MAPRE2: variants seen among roughly 807,000 people sequenced by gnomAD.
The protein encoded by MAPRE2 is microtubule associated protein RP/EB family member 2.
A neutral mutation model predicts 43.2 loss-of-function variants in MAPRE2; 13 were observed. The observed-to-expected ratio is 0.30, with a 90% CI of 0.20 to 0.48. The LOEUF (loss-of-function observed/expected upper bound fraction) is 0.48, where lower values mean the gene tolerates loss of function less well. MAPRE2 is among the 20% of genes least tolerant of loss of function. The probability of loss-of-function intolerance (pLI) is 0.99; values close to 1 mark genes in which losing one functional copy is unlikely to be tolerated. For synonymous variants in MAPRE2, 135 were observed against 148.8 expected (o/e 0.91, Z 0.68); for missense variants, 161 against 400.2 (o/e 0.40, Z 5.10).
At chr18:35,026,605 A>T (rs2097045361) in intron 2 of MAPRE2, among the ~76,000 whole-genome samples, 1 of 152,028 alleles carries the variant, frequency 6.6e-6, no homozygotes, top group Non-Finnish European at 1.5e-5. Context: ...TCACTACCAC[A>T]TGGGGTCAGG....
chr18:35,082,733 T>C (rs545662419), intron 2 of MAPRE2, among the ~76,000 whole-genome samples: 7 of 152,158 alleles, frequency 4.6e-5, no homozygotes, highest in African/African-American at 9.7e-5. Flanking sequence ...GGGACTGAAA[T>C]GATCATGCAA....
intron 1 of MAPRE2, among the ~76,000 whole-genome samples, chr18:34,999,924 C>G (rs1463066049): frequency 6.6e-6 from 1 of 151,910 alleles, no homozygotes; most frequent in Non-Finnish European, 1.5e-5. Context: ...GCCCTGAGCC[C>G]AACCCAAGAC....
intron 2 of MAPRE2, among the ~76,000 whole-genome samples, chr18:35,075,148 A>G (rs777627535): frequency 1.4e-4 from 22 of 152,294 alleles, no homozygotes; most frequent in South Asian, 4.1e-4. Context: ...AATTCTGGTT[A>G]CGTGATGGCT....
intron 5 of MAPRE2, among the ~76,000 whole-genome samples, chr18:35,129,958 T>A (rs1366808721): frequency 6.6e-6 from 1 of 152,234 alleles, no homozygotes; most frequent in East Asian, 1.9e-4. Context: ...TAGCTAGTGT[T>A]GGTTTTTACT....
At chr18:35,133,795 T>G (rs1209193759) in intron 6 of MAPRE2, among the ~76,000 whole-genome samples, 1 of 152,112 alleles carries the variant, frequency 6.6e-6, no homozygotes, top group African/African-American at 2.4e-5. Flanking sequence ...CTAAGATAGG[T>G]GGACAGCCTC....
chr18:34,989,338 T>A (rs2097022578), intron 1 of MAPRE2, among the ~76,000 whole-genome samples: 1 of 152,190 alleles, frequency 6.6e-6, no homozygotes, highest in South Asian at 2.1e-4. Flanking sequence ...TGCCTGTGCC[T>A]TCTCTCGGTC....
Position 35,041,528 on chromosome 18 carries a change from G to A in MAPRE2, c.-12G>A, listed in dbSNP as rs746929776. 3.1e-6 allele frequency: 5 copies of A among 1,614,066 alleles called. No individual in the cohort carries two copies. The highest frequency in any genetic ancestry group is 2.7e-5 in the African/African-American group (2 of 74,940). On this transcript the variant is annotated 5_prime_UTR_variant, in exon 1 of 7. Coordinates refer to ENST00000300249, the MANE Select transcript of MAPRE2 (RefSeq NM_014268.4). ...CCCACAGCGGTTTGTTCCCCTTCTC[G>A]GGAGTGCGCCAATGCCTGGGCCGAC...
intron 2 of MAPRE2, among the ~76,000 whole-genome samples, chr18:35,016,467 T>C (rs2097038327): frequency 6.6e-6 from 1 of 152,104 alleles, no homozygotes; most frequent in Non-Finnish European, 1.5e-5. Flanking sequence ...CTTGTCAGCA[T>C]CTGTCGTTGG....
intron 4 of MAPRE2, among the ~76,000 whole-genome samples, chr18:35,122,220 G>T (rs1250487552): frequency 6.6e-6 from 1 of 152,148 alleles, no homozygotes; most frequent in African/African-American, 2.4e-5. Context: ...GCTGTGAGGG[G>T]TAAATTACTT....
At chr18:35,051,165 AC>A (rs1270458040) in intron 1 of MAPRE2, among the ~76,000 whole-genome samples, 3 of 151,912 alleles carry the variant, frequency 2.0e-5, no homozygotes, top group African/African-American at 7.3e-5. Flanking sequence ...CTGCCTCCCT[AC>A]CCCCACCCCA....
chr18:35,051,177 T>C (rs1905917651), intron 1 of MAPRE2, among the ~76,000 whole-genome samples: 1 of 152,044 alleles, frequency 6.6e-6, no homozygotes, highest in Admixed American at 6.6e-5. Flanking sequence ...CCCCACCCCA[T>C]CTCTCTCCCT....
intron 1 of MAPRE2, among the ~76,000 whole-genome samples, chr18:35,002,841 T>C (rs2150579430): frequency 6.6e-6 from 1 of 152,286 alleles, no homozygotes; most frequent in South Asian, 2.1e-4. Context: ...AATACTTTCT[T>C]CTAGTTTATA....
intron 2 of MAPRE2, among the ~76,000 whole-genome samples, chr18:35,029,409 C>T (rs2097046735): frequency 6.6e-6 from 1 of 152,178 alleles, no homozygotes; most frequent in African/African-American, 2.4e-5. Context: ...CAGGAAGACG[C>T]TTCCTTCCAA....
intron 1 of MAPRE2, among the ~76,000 whole-genome samples, chr18:35,001,075 G>C (rs2097029072): frequency 6.6e-6 from 1 of 152,138 alleles, no homozygotes; most frequent in African/African-American, 2.4e-5. Context: ...TTGTACTCTA[G>C]CTTGGGCATC....
chr18:34,990,323 G>T (rs2097023129), intron 1 of MAPRE2, among the ~76,000 whole-genome samples: 1 of 152,128 alleles, frequency 6.6e-6, no homozygotes, highest in Admixed American at 6.6e-5. Flanking sequence ...CTCTGGGAGG[G>T]ATGGCATTTG....
At chr18:35,127,127 C>T (rs747144532) in intron 5 of MAPRE2, 40 bp downstream of exon 5, 32 of 1,611,728 alleles carry the variant, frequency 2.0e-5, no homozygotes, top group Middle Eastern at 3.3e-4. Flanking sequence ...GGAGCAGTGA[C>T]GTGTGTAAGA....
intron 2 of MAPRE2, among the ~76,000 whole-genome samples, chr18:35,077,080 A>G (rs1603398372): frequency 6.6e-6 from 1 of 152,346 alleles, no homozygotes; most frequent in East Asian, 1.9e-4. Flanking sequence ...CTAACAATAT[A>G]TATACTGAAC....
At position 35,053,239 on chromosome 18, in the gene MAPRE2, CA is replaced by C. The variant is rs545136920; in HGVS notation, c.122+11584del. 2.0e-5 allele frequency among the ~76,000 whole-genome samples: 3 copies of C among 151,878 alleles called. No homozygotes were observed. In the South Asian group the frequency reaches 6.2e-4, roughly 32 times the overall value. On this transcript the variant is annotated intron_variant, in intron 1 of 6. Coordinates refer to ENST00000300249, the MANE Select transcript of MAPRE2 (RefSeq NM_014268.4). The stretch of plus-strand genomic sequence containing the variant: ...TGAAACCCCATCTCTACTAAAAATA[CA>C]AAAAATAGCTGGGAGTGGTGGCACT...
At chr18:35,083,461 G>A (rs1568997148) in intron 2 of MAPRE2, among the ~76,000 whole-genome samples, 1 of 152,184 alleles carries the variant, frequency 6.6e-6, no homozygotes, top group Non-Finnish European at 1.5e-5. Flanking sequence ...TATCTGGAAT[G>A]TCAAATTCTA....
Sources: allele counts gnomAD v4.1 joint callset (sites outside exome capture counted in the v4.1 genomes callset), GRCh38; gene constraint gnomAD v4.1.1; transcripts MANE v1.5; gene names NCBI Gene and HGNC (gene_info 2026-07-23, HGNC 2026-07-21).